The following PRKCH variants were observed in gnomAD, a reference collection of about 807,000 sequenced individuals.
PRKCH encodes protein kinase C eta type.
Under a neutral mutation model 82.5 loss-of-function variants are expected in PRKCH, and 28 were observed. The observed-to-expected ratio is 0.34, with a 90% CI of 0.25 to 0.47. The LOEUF (loss-of-function observed/expected upper bound fraction) is 0.47. Ranked by LOEUF, PRKCH falls within the 20% of genes least tolerant of loss-of-function variation. PRKCH has a pLI of 1.00. For synonymous variants in PRKCH, 322 were observed against 327.4 expected (o/e 0.98, Z 0.18); for missense variants, 705 against 881.8 (o/e 0.80, Z 2.54).
chr14:61,453,494 TTC>T (rs887323875), intron 7 of PRKCH, 141 bp downstream of exon 7: 11 of 793,344 alleles, frequency 1.4e-5, no homozygotes, highest in Non-Finnish European at 1.8e-5. Flanking sequence ...CTTTCTTTCT[TTC>T]TCTTTCTTTC....
intron 1 of PRKCH, among the ~76,000 whole-genome samples, chr14:61,332,879 G>A (rs118079094): frequency 0.03 from 4,513 of 152,292 alleles, 101 homozygotes; most frequent in Middle Eastern, 0.054. Context: ...TGGTTTTTGC[G>A]TCTGTGATGT....
intron 5 of PRKCH, 137 bp from the exon 6 acceptor site, chr14:61,450,705 G>A (rs1030745056): frequency 4.0e-6 from 4 of 1,000,486 alleles, no homozygotes; most frequent in African/African-American, 3.3e-5. Flanking sequence ...AATTAATCAG[G>A]GCTGAGTACA....
intron 2 of PRKCH, among the ~76,000 whole-genome samples, chr14:61,397,051 G>C (rs1188802147): frequency 6.6e-6 from 1 of 152,180 alleles, no homozygotes; most frequent in Non-Finnish European, 1.5e-5. Context: ...GGTGTTAGTT[G>C]ATAAGACTAG....
chr14:61,312,042 A>T (rs2045529167), intron 1 of PRKCH, among the ~76,000 whole-genome samples: 1 of 152,262 alleles, frequency 6.6e-6, no homozygotes, highest in Non-Finnish European at 1.5e-5. Context: ...ACATGTGGGG[A>T]TTACAGGTCC....
intron 1 of PRKCH, chr14:61,354,001 A>G (rs1402572935): frequency 6.6e-6 from 1 of 152,180 alleles, no homozygotes; most frequent in Admixed American, 6.5e-5. Flanking sequence ...AATATAATGT[A>G]TGGGAGATCA....
chr14:61,437,756 C>G (rs893342366), intron 2 of PRKCH, among the ~76,000 whole-genome samples: 2 of 152,050 alleles, frequency 1.3e-5, no homozygotes, highest in Non-Finnish European at 2.9e-5. Flanking sequence ...GCCCCAATTT[C>G]CTAGGTATTC....
chr14:61,315,283 A>G (rs989137066), intron 1 of PRKCH, among the ~76,000 whole-genome samples: 1 of 152,052 alleles, frequency 6.6e-6, no homozygotes, highest in East Asian at 1.9e-4. Context: ...CAATCCTACT[A>G]TCCGTTAGAA....
chr14:61,473,293 AG>A (rs1885585710), intron 9 of PRKCH, among the ~76,000 whole-genome samples: 1 of 152,188 alleles, frequency 6.6e-6, no homozygotes, highest in Non-Finnish European at 1.5e-5. Flanking sequence ...TTTGCTGAGG[AG>A]CTTAGACTAA....
intron 1 of PRKCH, among the ~76,000 whole-genome samples, chr14:61,261,880 A>T (rs2045047821): frequency 6.6e-6 from 1 of 152,142 alleles, no homozygotes. Flanking sequence ...CCTAAGTATT[A>T]CCTGAAATAA....
intron 1 of PRKCH, among the ~76,000 whole-genome samples, chr14:61,215,255 A>T (rs1233769339): frequency 6.6e-6 from 1 of 152,102 alleles, no homozygotes; most frequent in Non-Finnish European, 1.5e-5. Flanking sequence ...AAAGGAGAGT[A>T]CTCTTCATCA....
At chr14:61,535,257 C>G (rs181295558) in intron 12 of PRKCH, among the ~76,000 whole-genome samples, 13 of 152,250 alleles carry the variant, frequency 8.5e-5, no homozygotes, top group Admixed American at 1.3e-4. Flanking sequence ...AAACATGATC[C>G]TGCTCTTGTG....
At chr14:61,507,557 TA>T (rs1317270451) in intron 10 of PRKCH, among the ~76,000 whole-genome samples, 3 of 152,048 alleles carry the variant, frequency 2.0e-5, no homozygotes, top group East Asian at 3.8e-4. Context: ...GACAAATAGA[TA>T]AAGAAAATTT....
chr14:61,512,882 A>G (rs2042766025), intron 10 of PRKCH, among the ~76,000 whole-genome samples: 1 of 152,036 alleles, frequency 6.6e-6, no homozygotes, highest in Non-Finnish European at 1.5e-5. Context: ...GCTGGAGTGC[A>G]GTGGCATGAT....
In PRKCH at chr14:61,457,686, A is replaced by G. The variant is rs753553888; in HGVS notation, c.1278+7A>G. ...CTGCTGCTTTCAGACCCCCGTAAGT[A>G]TGAATCACATTCACTGCACCAACAG... On this transcript the variant is annotated splice_region_variant and intron_variant, in intron 9 of 13. Transcript: ENST00000332981. 1.2e-6 allele frequency: 2 copies of G among 1,613,682 alleles called. No individual in the cohort carries two copies. The highest frequency in any genetic ancestry group is 4.5e-5 in the East Asian group (2 of 44,872).
At chr14:61,394,816 G>A (rs2046747818) in intron 2 of PRKCH, among the ~76,000 whole-genome samples, 1 of 152,180 alleles carries the variant, frequency 6.6e-6, no homozygotes, top group Non-Finnish European at 1.5e-5. Flanking sequence ...GAGATGAGTT[G>A]AGTTTATCTT....
intron 1 of PRKCH, among the ~76,000 whole-genome samples, chr14:61,314,572 T>C (rs577529318): frequency 6.6e-6 from 1 of 152,206 alleles, no homozygotes; most frequent in Non-Finnish European, 1.5e-5. Flanking sequence ...TTGCTTTTTA[T>C]GGGAGGATTA....
intron 12 of PRKCH, among the ~76,000 whole-genome samples, chr14:61,534,639 G>A (rs75773926): frequency 1.3e-5 from 2 of 152,076 alleles, no homozygotes; most frequent in South Asian, 2.1e-4. Flanking sequence ...ATCATTAGAG[G>A]CATAAACACA....
At position 61,409,313 on chromosome 14, in the gene PRKCH, T is replaced by G. The variant is rs140880999; in HGVS notation, c.427+18025T>G. 3.2e-3 allele frequency among the ~76,000 whole-genome samples: 491 copies of G among 152,248 alleles called. 2 individuals are homozygous for G. Among genetic ancestry groups the G allele is most frequent in the African/African-American group, 0.011 (465 of 41,542 alleles). On this transcript the variant is annotated intron_variant, in intron 2 of 13. Coordinates refer to ENST00000332981, the MANE Select transcript of PRKCH (RefSeq NM_006255.5). ...CCCAGCCATGGGCTCAAGGAATTGC[T>G]CTTTGGGATATGTTTGAAACTCATC...
chr14:61,288,516 A>G (rs1055544746), intron 1 of PRKCH, among the ~76,000 whole-genome samples: 2 of 152,228 alleles, frequency 1.3e-5, no homozygotes, highest in Admixed American at 1.3e-4. Flanking sequence ...TTAATATTCA[A>G]TCTGGAGATC....
Sources: allele counts gnomAD v4.1 joint callset (sites outside exome capture counted in the v4.1 genomes callset), GRCh38; gene constraint gnomAD v4.1.1; transcripts MANE v1.5; gene names NCBI Gene and HGNC (gene_info 2026-07-23, HGNC 2026-07-21).